Variants in LHFPL3 observed in about 807,000 individuals in gnomAD.
LHFPL3 encodes LHFPL tetraspan subfamily member 3.
A neutral mutation model predicts 19.3 loss-of-function variants in LHFPL3; 5 were observed. The ratio of observed to expected loss-of-function variants is 0.26; its 90% CI spans 0.14 to 0.54. The LOEUF (loss-of-function observed/expected upper bound fraction) is 0.54. LHFPL3 is among the 20% of genes least tolerant of loss of function. The pLI, the probability that LHFPL3 is intolerant of heterozygous loss-of-function variation, is 0.94. For missense variants in LHFPL3, 249 were observed against 307.4 expected, an observed-to-expected ratio of 0.81 and a Z score of 1.42; for synonymous variants, 133 against 126.2, an observed-to-expected ratio of 1.05 and a Z score of -0.36.
At chr7:104,453,705 A>AG (rs1375736498) in intron 1 of LHFPL3, among the ~76,000 whole-genome samples, 1 of 152,120 alleles carries the variant, frequency 6.6e-6, no homozygotes, top group Non-Finnish European at 1.5e-5. Context: ...TTTGGATCAT[A>AG]GGGGCGGGTC....
intron 2 of LHFPL3, among the ~76,000 whole-genome samples, chr7:104,766,381 T>A (rs1794459411): frequency 6.6e-6 from 1 of 152,312 alleles, no homozygotes; most frequent in Admixed American, 6.5e-5. Flanking sequence ...CATGAACCAA[T>A]AGCAAAGAGG....
chr7:104,329,013 C>T lies in LHFPL3; in HGVS notation c.234C>T (p.Tyr78=). The T allele has an allele frequency of 6.2e-7, 1 of 1,614,008 alleles. No homozygotes were observed. The highest frequency in any genetic ancestry group is 2.2e-5 in the East Asian group (1 of 44,870). Residue 78 remains tyrosine (Y), a synonymous_variant, in exon 1 of 3, where the codon TAC becomes TAT. Coordinates refer to ENST00000424859, the MANE Select transcript of LHFPL3 (RefSeq NM_199000.3). ...PQAGYFGLFH[Y]CIGNGFSREL... The stretch of plus-strand genomic sequence containing the variant: ...CCGGCTATTTCGGGCTCTTCCACTA[C>T]TGCATCGGCAACGGCTTCTCCCGGG...
Position 104,358,169 on chromosome 7 carries a change from T to C in LHFPL3, c.445+28945T>C, listed in dbSNP as rs184566314. 3.2e-4 allele frequency among the ~76,000 whole-genome samples: 49 copies of C among 152,306 alleles called. 1 individual carries two copies. The East Asian group carries it at 9.2e-3, about 29-fold the overall frequency. The stretch of plus-strand genomic sequence containing the variant: ...TGCCAGGACCTGGGGGAGTGGAGAC[T>C]GACTGCTGAGTGCGTATGAGGTTTC... On this transcript the variant is annotated intron_variant, in intron 1 of 2. Transcript: ENST00000424859.
intron 1 of LHFPL3, among the ~76,000 whole-genome samples, chr7:104,493,891 A>C (rs1044626998): frequency 1.6e-4 from 24 of 152,266 alleles, no homozygotes; most frequent in African/African-American, 5.5e-4. Flanking sequence ...CTTGAAATAT[A>C]ACTAGTCCCA....
At chr7:104,819,478 G>T (rs1790636062) in intron 2 of LHFPL3, among the ~76,000 whole-genome samples, 1 of 151,718 alleles carries the variant, frequency 6.6e-6, no homozygotes, top group Non-Finnish European at 1.5e-5. Flanking sequence ...CCTTGTTTCT[G>T]AATTATTTCT....
At chr7:104,523,851 T>A (rs1010021802) in intron 1 of LHFPL3, among the ~76,000 whole-genome samples, 2 of 152,146 alleles carry the variant, frequency 1.3e-5, no homozygotes, top group Admixed American at 6.6e-5. Flanking sequence ...CTGGCAATGC[T>A]CCTCAGGAAG....
chr7:104,578,176 T>C (rs926981335), intron 1 of LHFPL3, among the ~76,000 whole-genome samples: 2 of 152,216 alleles, frequency 1.3e-5, no homozygotes, highest in African/African-American at 4.8e-5. Flanking sequence ...TTTTGGAAAG[T>C]CACTGATTTA....
At chr7:104,611,766 T>C (rs563016228) in intron 1 of LHFPL3, among the ~76,000 whole-genome samples, 1 of 152,206 alleles carries the variant, frequency 6.6e-6, no homozygotes, top group Admixed American at 6.5e-5. Context: ...CAAGTTTCTA[T>C]GTAGGGACAA....
intron 1 of LHFPL3, among the ~76,000 whole-genome samples, chr7:104,420,900 C>T (rs1231095823): frequency 6.6e-6 from 1 of 152,144 alleles, no homozygotes; most frequent in Non-Finnish European, 1.5e-5. Context: ...AGATTTAATC[C>T]AAACTGACAG....
intron 1 of LHFPL3, among the ~76,000 whole-genome samples, chr7:104,644,837 A>G (rs915078076): frequency 2.0e-5 from 3 of 152,078 alleles, no homozygotes; most frequent in African/African-American, 7.2e-5. Context: ...GGAGCTTTTA[A>G]ACTACAGGAG....
chr7:104,525,296 G>T (rs1027849257), intron 1 of LHFPL3, among the ~76,000 whole-genome samples: 3 of 152,116 alleles, frequency 2.0e-5, no homozygotes, highest in African/African-American at 7.2e-5. Flanking sequence ...AATGGCATCA[G>T]GCATTGTAAA....
intron 1 of LHFPL3, among the ~76,000 whole-genome samples, chr7:104,496,539 C>T (rs553650691): frequency 8.2e-4 from 125 of 152,236 alleles, no homozygotes; most frequent in African/African-American, 2.8e-3. Flanking sequence ...CCTGAGGAAT[C>T]GCCACACTGA....
intron 2 of LHFPL3, among the ~76,000 whole-genome samples, chr7:104,792,821 T>A (rs1196836256): frequency 6.6e-6 from 1 of 152,206 alleles, no homozygotes; most frequent in East Asian, 1.9e-4. Context: ...AAGAAGGATG[T>A]GTGACCAAAA....
At chr7:104,437,651 C>A (rs1214168826) in intron 1 of LHFPL3, among the ~76,000 whole-genome samples, 2 of 152,178 alleles carry the variant, frequency 1.3e-5, no homozygotes, top group African/African-American at 4.8e-5. Flanking sequence ...GCTCACAGAG[C>A]TCAGGAAACT....
chr7:104,394,951 G>A (rs1324615816), intron 1 of LHFPL3, among the ~76,000 whole-genome samples: 5 of 151,880 alleles, frequency 3.3e-5, no homozygotes, highest in Admixed American at 1.3e-4. Flanking sequence ...CACCCACCTC[G>A]GCCTCCCAAA....
chr7:104,429,301 CTTTTTTTTTTTT>C (rs71823474), intron 1 of LHFPL3, among the ~76,000 whole-genome samples: 2 of 84,532 alleles, frequency 2.4e-5, no homozygotes, highest in African/African-American at 5.4e-5. Flanking sequence ...TATGTCATTC[CTTTTTTTTTTTT>C]TTTTTTTTTT....
chr7:104,595,995 C>G (rs1010160166), intron 1 of LHFPL3, among the ~76,000 whole-genome samples: 2 of 152,172 alleles, frequency 1.3e-5, no homozygotes, highest in African/African-American at 4.8e-5. Context: ...AAAGGGAAAC[C>G]CCCCAACCCC....
chr7:104,835,289 A>G (rs1458884782), intron 2 of LHFPL3, among the ~76,000 whole-genome samples: 2 of 148,468 alleles, frequency 1.3e-5, no homozygotes, highest in Non-Finnish European at 2.9e-5. Flanking sequence ...CGTTCCATCA[A>G]CCAACATTTG....
intron 1 of LHFPL3, among the ~76,000 whole-genome samples, chr7:104,385,099 C>A (rs544326410): frequency 6.6e-6 from 1 of 151,950 alleles, no homozygotes; most frequent in Non-Finnish European, 1.5e-5. Flanking sequence ...TGGTGACTCA[C>A]GCCTGTAATC....
Sources: gnomAD v4.1 joint callset for allele counts (sites outside exome capture counted in the v4.1 genomes callset) on GRCh38, gnomAD v4.1.1 for gene constraint, MANE v1.5 for transcripts, NCBI Gene and HGNC (gene_info 2026-07-23, HGNC 2026-07-21) for gene names.